The following RNF180 variants were observed in gnomAD, a reference collection of about 807,000 sequenced individuals.
RNF180 encodes E3 ubiquitin-protein ligase RNF180.
RNF180 carries 38 observed loss-of-function variants against 59.2 expected under a neutral mutation model. That is an observed-to-expected ratio of 0.64 (90% CI 0.50 to 0.84). The LOEUF is 0.84. Ranked by LOEUF, RNF180 falls within the 40% of genes least tolerant of loss-of-function variation. The pLI, the probability that RNF180 is intolerant of heterozygous loss-of-function variation, is 0.00. For missense variants in RNF180, 705 were observed against 700.9 expected (o/e 1.01, Z -0.07); for synonymous variants, 262 against 240.3 (o/e 1.09, Z -0.84).
At chr5:64,270,122 A>G (rs911668914) in intron 5 of RNF180, among the ~76,000 whole-genome samples, 1 of 152,110 alleles carries the variant, frequency 6.6e-6, no homozygotes, top group African/African-American at 2.4e-5. Context: ...CTTTTCATAG[A>G]ATATTTCATG....
chr5:64,284,157 T>G (rs1264887197), intron 5 of RNF180, among the ~76,000 whole-genome samples: 3 of 152,216 alleles, frequency 2.0e-5, no homozygotes, highest in African/African-American at 7.2e-5. Flanking sequence ...GGAATTTCTT[T>G]TCTTTAGGCA....
intron 5 of RNF180, among the ~76,000 whole-genome samples, chr5:64,293,216 G>C (rs1385029157): frequency 6.6e-6 from 1 of 152,204 alleles, no homozygotes; most frequent in East Asian, 1.9e-4. Context: ...CTTGGGGTAG[G>C]TGTGCTTTTG....
In RNF180 at chr5:64,286,583, C is replaced by CT. The variant is rs1474566338; in HGVS notation, c.1228-38600dup. On this transcript the variant is annotated intron_variant, in intron 5 of 7. Coordinates refer to ENST00000389100, the MANE Select transcript of RNF180 (RefSeq NM_001113561.2). ...TCACCCCTGAATTGCTGAGTTGACT[C>CT]TTTATCACTTTTTTCAAGCAAACTA... 2.0e-5 allele frequency among the ~76,000 whole-genome samples: 3 copies of CT among 152,160 alleles called. No homozygotes were observed. The East Asian group carries it at 5.8e-4, about 29-fold the overall frequency.
intron 6 of RNF180, among the ~76,000 whole-genome samples, chr5:64,328,153 A>T (rs1744740120): frequency 1.3e-5 from 2 of 152,280 alleles, no homozygotes; most frequent in South Asian, 4.2e-4. Flanking sequence ...TTCCAAGGAC[A>T]TTTAGAAAGT....
chr5:64,289,055 G>T (rs906488756), intron 5 of RNF180, among the ~76,000 whole-genome samples: 34 of 151,974 alleles, frequency 2.2e-4, no homozygotes, highest in African/African-American at 8.2e-4. Flanking sequence ...ATTATTTTGA[G>T]GTATGTTCCT....
intron 7 of RNF180, among the ~76,000 whole-genome samples, chr5:64,351,738 A>T (rs1218164277): frequency 6.6e-6 from 1 of 151,694 alleles, no homozygotes; most frequent in African/African-American, 2.4e-5. Flanking sequence ...CCAGCCTTGC[A>T]TCCCAGGGAT....
chr5:64,180,815 A>T (rs1437123671), intron 1 of RNF180, among the ~76,000 whole-genome samples: 1 of 152,142 alleles, frequency 6.6e-6, no homozygotes, highest in East Asian at 1.9e-4. Context: ...TGAGGCAGAA[A>T]CTGCTGAATT....
intron 5 of RNF180, among the ~76,000 whole-genome samples, chr5:64,238,129 A>G (rs1197898282): frequency 6.6e-6 from 1 of 152,194 alleles, no homozygotes; most frequent in Non-Finnish European, 1.5e-5. Context: ...CACTTAGCAT[A>G]GTGTTTCAGT....
chr5:64,344,942 C>G (rs947015339), intron 7 of RNF180, among the ~76,000 whole-genome samples: 1 of 151,728 alleles, frequency 6.6e-6, no homozygotes, highest in Non-Finnish European at 1.5e-5. Flanking sequence ...GAACAAGAAG[C>G]CCCTCCTTCT....
chr5:64,351,716 T>G (rs1450237046), intron 7 of RNF180, among the ~76,000 whole-genome samples: 3 of 151,610 alleles, frequency 2.0e-5, no homozygotes. Context: ...TTATTGATTT[T>G]CGTATGTTGA....
At chr5:64,167,242 G>T (rs1343451849) in intron 1 of RNF180, among the ~76,000 whole-genome samples, 1 of 152,056 alleles carries the variant, frequency 6.6e-6, no homozygotes, top group Non-Finnish European at 1.5e-5. Flanking sequence ...TTCTCATAAA[G>T]AATCAAAAAT....
At chr5:64,339,860 A>AT (rs928639194) in intron 7 of RNF180, among the ~76,000 whole-genome samples, 12 of 152,102 alleles carry the variant, frequency 7.9e-5, no homozygotes, top group Non-Finnish European at 1.3e-4. Context: ...GACGTTTTAA[A>AT]TTTTTTTCTT....
chr5:64,240,760 C>T (rs779204010), intron 5 of RNF180, among the ~76,000 whole-genome samples: 11 of 152,208 alleles, frequency 7.2e-5, no homozygotes, highest in Non-Finnish European at 1.3e-4. Flanking sequence ...CCTGAGGTAT[C>T]CACATAAGTC....
intron 2 of RNF180, among the ~76,000 whole-genome samples, chr5:64,205,143 A>G (rs1458161606): frequency 6.6e-6 from 1 of 152,024 alleles, no homozygotes; most frequent in Non-Finnish European, 1.5e-5. Context: ...CCAAAACCAA[A>G]TTTGCCACAA....
At chr5:64,250,765 G>A (rs1348709760) in intron 5 of RNF180, among the ~76,000 whole-genome samples, 2 of 152,084 alleles carry the variant, frequency 1.3e-5, no homozygotes, top group African/African-American at 2.4e-5. Flanking sequence ...ACTGCTGAAT[G>A]CTACCAAATA....
At chr5:64,369,242 T>C (rs1746566326) in intron 7 of RNF180, among the ~76,000 whole-genome samples, 1 of 151,924 alleles carries the variant, frequency 6.6e-6, no homozygotes, top group African/African-American at 2.4e-5. Context: ...TTCTCACTTA[T>C]AGATGGGAAT....
At chr5:64,279,017 T>C (rs1245592429) in intron 5 of RNF180, among the ~76,000 whole-genome samples, 1 of 152,116 alleles carries the variant, frequency 6.6e-6, no homozygotes, top group Non-Finnish European at 1.5e-5. Flanking sequence ...AAGTAGTGGT[T>C]GAAACCATAG....
At chr5:64,264,337 G>A (rs1744531431) in intron 5 of RNF180, among the ~76,000 whole-genome samples, 1 of 151,906 alleles carries the variant, frequency 6.6e-6, no homozygotes, top group Non-Finnish European at 1.5e-5. Flanking sequence ...TAGGTTTTAA[G>A]CCCCACATGC....
intron 5 of RNF180, among the ~76,000 whole-genome samples, chr5:64,317,788 TA>T (rs1205040797): frequency 7.2e-6 from 1 of 139,074 alleles, no homozygotes; most frequent in Non-Finnish European, 1.5e-5. Context: ...TTTGTCCTGA[TA>T]AACCCATTTT....
Sources: gnomAD v4.1 joint callset for allele counts (sites outside exome capture counted in the v4.1 genomes callset) on GRCh38, gnomAD v4.1.1 for gene constraint, MANE v1.5 for transcripts, NCBI Gene and HGNC (gene_info 2026-07-23, HGNC 2026-07-21) for gene names.